SFMBT1: variants seen among roughly 807,000 people sequenced by gnomAD.
SFMBT1 encodes the protein scm-like with four MBT domains protein 1.
A neutral mutation model predicts 108.7 loss-of-function variants in SFMBT1; 32 were observed. That is an observed-to-expected ratio of 0.29 (90% CI 0.22 to 0.40). The LOEUF (loss-of-function observed/expected upper bound fraction) is 0.40, where lower values mean the gene tolerates loss of function less well. SFMBT1 is among the 10% of genes least tolerant of loss of function. The probability of loss-of-function intolerance (pLI) is 1.00; values close to 1 mark genes in which losing one functional copy is unlikely to be tolerated. For missense variants in SFMBT1, 816 were observed against 1,059.6 expected (o/e 0.77, Z 3.19); for synonymous variants, 348 against 369.5 (o/e 0.94, Z 0.67).
At chr3:53,038,462 A>C (rs1016403326) in intron 1 of SFMBT1, among the ~76,000 whole-genome samples, 1 of 152,246 alleles carries the variant, frequency 6.6e-6, no homozygotes, top group South Asian at 2.1e-4. Flanking sequence ...CATCCTTGCC[A>C]TGAAGAAAGG....
At chr3:53,008,900 G>A (rs965233107) in intron 1 of SFMBT1, among the ~76,000 whole-genome samples, 6 of 151,934 alleles carry the variant, frequency 3.9e-5, no homozygotes, top group African/African-American at 1.4e-4. Context: ...CTCCCAAAGT[G>A]CTGGGATTAC....
In SFMBT1 at chr3:52,996,926, G is replaced by A. The variant is rs902080347; in HGVS notation, c.-130-27668C>T. On this transcript the variant is annotated intron_variant, in intron 1 of 20. Transcript: ENST00000394752. ...CTACTAAAAATACAAAAAATTAGCC[G>A]GGCGTAGTGGCGGTCGCCTGCAGTC... 7.2e-4 allele frequency among the ~76,000 whole-genome samples: 107 copies of A among 149,606 alleles called. 5 individuals are homozygous for A. Among genetic ancestry groups the A allele is most frequent in the Non-Finnish European group, 1.4e-3 (96 of 66,698 alleles).
intron 3 of SFMBT1, among the ~76,000 whole-genome samples, chr3:52,947,120 CTTTTTT>C (rs111716780): frequency 1.4e-5 from 2 of 139,748 alleles, no homozygotes; most frequent in African/African-American, 5.3e-5. Context: ...GTCTTTTTCA[CTTTTTT>C]TTTTTTTTTG....
Position 52,968,482 on chromosome 3 carries a change from T to C in SFMBT1, c.28+619A>G, listed in dbSNP as rs139190769. On this transcript the variant is annotated intron_variant, in intron 2 of 20. Transcript: ENST00000394752. ...AACTGGGTGAAAGGAACATGAAATA[T>C]GTCAGTAAGTACTATCTTTGCAAAC... Among the ~76,000 whole-genome samples, 584 of 152,328 alleles carry C rather than the reference T, an allele frequency of 3.8e-3. 6 individuals carry two copies. The highest frequency in any genetic ancestry group is 0.013 in the African/African-American group (555 of 41,572).
intron 3 of SFMBT1, among the ~76,000 whole-genome samples, chr3:52,953,440 C>T (rs1703661208): frequency 1.1e-5 from 1 of 90,606 alleles, no homozygotes; most frequent in South Asian, 3.9e-4. Context: ...CCCCTACCCC[C>T]CTCACCAAAA....
chr3:52,938,168 G>A (rs543950070), intron 4 of SFMBT1, among the ~76,000 whole-genome samples: 13 of 152,056 alleles, frequency 8.5e-5, no homozygotes, highest in African/African-American at 2.7e-4. Context: ...TTACTTTTTC[G>A]TAGTCTCTCT....
chr3:52,914,730 C>A (rs185647891), intron 14 of SFMBT1, among the ~76,000 whole-genome samples: 7 of 152,086 alleles, frequency 4.6e-5, no homozygotes. Context: ...GATGACACAG[C>A]GAGACCCTGT....
At chr3:52,931,616 G>C (rs1575382329) in intron 6 of SFMBT1, among the ~76,000 whole-genome samples, 1 of 152,122 alleles carries the variant, frequency 6.6e-6, no homozygotes, top group Non-Finnish European at 1.5e-5. Flanking sequence ...GAGGTGGGCG[G>C]ATCACTTGAG....
At chr3:52,940,817 G>A (rs1430225106) in intron 4 of SFMBT1, among the ~76,000 whole-genome samples, 6 of 152,058 alleles carry the variant, frequency 3.9e-5, no homozygotes, top group Admixed American at 2.0e-4. Context: ...TGGCATATAC[G>A]AACCTAATCA....
chr3:53,023,859 A>G (rs1490393619), intron 1 of SFMBT1, among the ~76,000 whole-genome samples: 3 of 152,216 alleles, frequency 2.0e-5, no homozygotes, highest in Non-Finnish European at 4.4e-5. Context: ...ACACTCGCTA[A>G]TAGCCCTCCA....
At chr3:52,922,621 T>C (rs1188182190) in intron 10 of SFMBT1, among the ~76,000 whole-genome samples, 1 of 152,218 alleles carries the variant, frequency 6.6e-6, no homozygotes, top group Non-Finnish European at 1.5e-5. Flanking sequence ...TGCCAGGTAC[T>C]AGGCAACTGG....
chr3:52,916,068 T>G, intron 14 of SFMBT1, 82 bp downstream of exon 14: 1 of 1,163,734 alleles, frequency 8.6e-7, no homozygotes, highest in Non-Finnish European at 1.3e-6. Context: ...ATACATCAAA[T>G]GTACTGTTTT....
At chr3:53,033,965 G>A (rs1443506369) in intron 1 of SFMBT1, among the ~76,000 whole-genome samples, 1 of 151,194 alleles carries the variant, frequency 6.6e-6, no homozygotes, top group Admixed American at 6.6e-5. Context: ...AGCTACTTGG[G>A]AGGCTGAGGC....
intron 2 of SFMBT1, among the ~76,000 whole-genome samples, chr3:52,960,816 A>G (rs1240808944): frequency 6.6e-6 from 1 of 152,218 alleles, no homozygotes; most frequent in African/African-American, 2.4e-5. Flanking sequence ...ATATACATAC[A>G]ATGGAATATT....
chr3:52,916,701 ACAAC>A (rs1702368170), intron 13 of SFMBT1, among the ~76,000 whole-genome samples: 3 of 149,666 alleles, frequency 2.0e-5, no homozygotes, highest in African/African-American at 2.4e-5. Flanking sequence ...AACAACAACA[ACAAC>A]AAAAAACTAC....
At chr3:52,958,718 C>A (rs1703866328) in intron 2 of SFMBT1, among the ~76,000 whole-genome samples, 1 of 152,196 alleles carries the variant, frequency 6.6e-6, no homozygotes, top group African/African-American at 2.4e-5. Flanking sequence ...GACAGTGTGC[C>A]AATTCCTCAA....
intron 1 of SFMBT1, among the ~76,000 whole-genome samples, chr3:52,971,786 G>T (rs1704353000): frequency 6.6e-6 from 1 of 152,170 alleles, no homozygotes; most frequent in East Asian, 1.9e-4. Context: ...AAATGATACA[G>T]CAGCTAGGCA....
intron 13 of SFMBT1, 39 bp downstream of exon 13, chr3:52,918,445 T>G (rs764370744): frequency 6.8e-7 from 1 of 1,478,578 alleles, no homozygotes. Context: ...TTTCTAGATA[T>G]TCTAACTTGT....
At chr3:53,026,556 C>G (rs1469433612) in intron 1 of SFMBT1, among the ~76,000 whole-genome samples, 1 of 152,022 alleles carries the variant, frequency 6.6e-6, no homozygotes, top group African/African-American at 2.4e-5. Flanking sequence ...TCCTACCAAG[C>G]TGCATGTTCA....
Sources: allele counts gnomAD v4.1 joint callset (sites outside exome capture counted in the v4.1 genomes callset), GRCh38; gene constraint gnomAD v4.1.1; transcripts MANE v1.5; gene names NCBI Gene and HGNC (gene_info 2026-07-23, HGNC 2026-07-21).